BRDT: variants seen among roughly 807,000 people sequenced by gnomAD.
BRDT encodes bromodomain testis-specific protein.
In BRDT, 77 loss-of-function variants were observed where a neutral mutation model predicts 113.9. That is an observed-to-expected ratio of 0.68 (90% confidence interval 0.56 to 0.82). The LOEUF (loss-of-function observed/expected upper bound fraction) is 0.82. Among genes scored for constraint, BRDT ranks in the 40% least tolerant of loss-of-function variants. BRDT has a pLI of 0.00. For synonymous variants in BRDT, 358 were observed against 366.5 expected (o/e 0.98, Z 0.26); for missense variants, 1,027 against 1,105.4 (o/e 0.93, Z 1.01).
intron 15 of BRDT, among the ~76,000 whole-genome samples, chr1:91,997,828 A>G (rs1362547161): frequency 6.6e-6 from 1 of 152,220 alleles, no homozygotes; most frequent in Non-Finnish European, 1.5e-5. Context: ...GCCCAAGGGA[A>G]ATTGCAAATG....
At chr1:91,959,886 C>T (rs1484529817) in intron 1 of BRDT, among the ~76,000 whole-genome samples, 1 of 152,154 alleles carries the variant, frequency 6.6e-6, no homozygotes, top group Non-Finnish European at 1.5e-5. Context: ...TAGTAGTACT[C>T]AATCTTGGCC....
At chr1:92,007,566 T>A (rs770097629) in intron 18 of BRDT, among the ~76,000 whole-genome samples, 1 of 152,232 alleles carries the variant, frequency 6.6e-6, no homozygotes, top group South Asian at 2.1e-4. Context: ...AGACATGATC[T>A]CCTTCTTTAT....
intron 1 of BRDT, among the ~76,000 whole-genome samples, chr1:91,959,554 C>T (rs2101542665): frequency 6.6e-6 from 1 of 151,986 alleles, no homozygotes; most frequent in South Asian, 2.1e-4. Context: ...AATCTGAGCT[C>T]ATTGCAGCCT....
At chr1:91,962,654 C>A in intron 1 of BRDT, 64 bp from the exon 2 acceptor site, 1 of 1,022,288 alleles carries the variant, frequency 9.8e-7, no homozygotes, top group Non-Finnish European at 1.4e-6. Context: ...TTGAATAACA[C>A]TTTTCAGCTC....
chr1:91,957,844 T>G (rs566554856), intron 1 of BRDT, among the ~76,000 whole-genome samples: 2 of 149,182 alleles, frequency 1.3e-5, no homozygotes, highest in Admixed American at 1.3e-4. Flanking sequence ...TGTTGTTTTT[T>G]GTTTTTGTTT....
intron 13 of BRDT, among the ~76,000 whole-genome samples, chr1:91,991,837 A>C: frequency 1.1e-5 from 1 of 94,144 alleles, no homozygotes; most frequent in South Asian, 4.2e-4. Flanking sequence ...CTAAAAATAC[A>C]AAAAATTAGC....
chr1:91,979,268 C>T (rs76052915), intron 7 of BRDT, among the ~76,000 whole-genome samples: 10,127 of 151,734 alleles, frequency 0.067, 393 homozygotes, highest in African/African-American at 0.096. Context: ...CATGCGCCAC[C>T]ACACGGGACT....
Position 91,981,678 on chromosome 1 carries a change from G to A in BRDT, c.1925G>A (p.Ser642Asn). Residue 642 changes from serine to asparagine, a missense_variant, in exon 12 of 19, where the codon AGC becomes AAC. Physicochemically the swap from Ser to Asn is conservative, Grantham distance 46 (BLOSUM62 1). Coordinates refer to ENST00000399546, the MANE Select transcript of BRDT (RefSeq NM_207189.4). The part of the protein sequence containing the change: ...ENVSRLSESS[S>N]SSSSSSESES... ...GTTTCCCGACTGAGTGAGAGCAGCA[G>A]CAGCAGCAGCAGCTCATCAGAGTCT... 2 of 1,614,194 alleles carry A rather than the reference G, an allele frequency of 1.2e-6. No homozygotes were observed. The highest frequency in any genetic ancestry group is 8.5e-7 in the Non-Finnish European group (1 of 1,180,016).
At chr1:91,954,612 A>T (rs540688410) in intron 1 of BRDT, among the ~76,000 whole-genome samples, 18 of 152,274 alleles carry the variant, frequency 1.2e-4, no homozygotes, top group African/African-American at 3.9e-4. Flanking sequence ...CAGGTAAAAA[A>T]TGTTTTGAAA....
rs1570651064 is a variant in BRDT, at chr1:92,007,446, T to G, written c.2775+2147T>G. 5.9e-5 allele frequency among the ~76,000 whole-genome samples: 9 copies of G among 152,294 alleles called. 2 individuals carry two copies. The highest frequency in any genetic ancestry group is 5.9e-4 in the Admixed American group (9 of 15,296). On this transcript the variant is annotated intron_variant, in intron 18 of 18. Coordinates refer to ENST00000399546, the MANE Select transcript of BRDT (RefSeq NM_207189.4). Reference sequence around the variant, plus strand: ...CTGTTTCCTTCTTTGTGTTCCTAAGTTCATATCATTCAGCTCCCACTTATA... The same window carrying G: ...CTGTTTCCTTCTTTGTGTTCCTAAGGTCATATCATTCAGCTCCCACTTATA...
At chr1:91,976,676 G>A (rs765555758) in intron 5 of BRDT, among the ~76,000 whole-genome samples, 2 of 152,102 alleles carry the variant, frequency 1.3e-5, no homozygotes, top group Non-Finnish European at 2.9e-5. Context: ...TATCTTGATA[G>A]TATTAATATC....
At position 91,981,689 on chromosome 1, in the gene BRDT, A is replaced by G. The variant is rs769314003; in HGVS notation, c.1936A>G (p.Ser646Gly). 8.1e-6 allele frequency: 13 copies of G among 1,614,090 alleles called. No homozygotes were observed. The Admixed American group carries it at 2.2e-4, about 27-fold the overall frequency. ...RLSESSSSSS[S>G]SSESESSSSD... Reference sequence around the variant, plus strand: ...GAGTGAGAGCAGCAGCAGCAGCAGCAGCTCATCAGAGTCTGAAAGTAGCAG... The same window carrying G: ...GAGTGAGAGCAGCAGCAGCAGCAGCGGCTCATCAGAGTCTGAAAGTAGCAG... The change falls in exon 12 of 19, where the codon AGC becomes GGC. Residue 646 changes from serine (S) to glycine (G), a missense_variant. Coordinates refer to ENST00000399546, the MANE Select transcript of BRDT (RefSeq NM_207189.4).
chr1:91,954,023 G>C (rs1681441595), intron 1 of BRDT, among the ~76,000 whole-genome samples: 1 of 151,860 alleles, frequency 6.6e-6, no homozygotes, highest in South Asian at 2.1e-4. Flanking sequence ...CCAGGCTAGA[G>C]TACAGTGGCA....
In BRDT at chr1:91,959,090, T is replaced by C. The variant is rs1025528641; in HGVS notation, c.-37-3628T>C. ...AAACCATGAGACTGCAGAAAGTATA[T>C]TGTGTAATAAATACACATATATATA... On this transcript the variant is annotated intron_variant, in intron 1 of 18. Coordinates refer to ENST00000399546, the MANE Select transcript of BRDT (RefSeq NM_207189.4). 4.6e-5 allele frequency among the ~76,000 whole-genome samples: 7 copies of C among 152,126 alleles called. No homozygotes were observed. The South Asian group carries it at 1.0e-3, about 23-fold the overall frequency.
intron 17 of BRDT, among the ~76,000 whole-genome samples, 190 bp from the exon 18 acceptor site, chr1:92,004,929 A>T (rs111861116): frequency 2.0e-5 from 3 of 152,212 alleles, no homozygotes; most frequent in African/African-American, 7.2e-5. Context: ...ACAGTTTTCC[A>T]AAACCATTTA....
intron 1 of BRDT, among the ~76,000 whole-genome samples, chr1:91,951,254 G>A (rs1681045059): frequency 6.6e-6 from 1 of 152,198 alleles, no homozygotes; most frequent in East Asian, 1.9e-4. Context: ...GGTTTGTATA[G>A]CATGAAGGAC....
At chr1:91,981,816 A>C (rs527771779) in intron 12 of BRDT, 61 bp downstream of exon 12, 1 of 1,475,982 alleles carries the variant, frequency 6.8e-7, no homozygotes, top group Non-Finnish European at 9.0e-7. Flanking sequence ...TGTAATATTG[A>C]TTTATATTTT....
chr1:91,955,873 A>G (rs1681712065), intron 1 of BRDT, among the ~76,000 whole-genome samples: 1 of 152,220 alleles, frequency 6.6e-6, no homozygotes, highest in Admixed American at 6.5e-5. Flanking sequence ...ATGATATCAG[A>G]ATTATTTGTT....
At chr1:91,970,648 A>G (rs1158333628) in intron 4 of BRDT, among the ~76,000 whole-genome samples, 1 of 152,202 alleles carries the variant, frequency 6.6e-6, no homozygotes, top group East Asian at 1.9e-4. Context: ...ATTGTGGCTC[A>G]TGGCTGTAAT....
Sources: gnomAD v4.1 joint callset for allele counts (sites outside exome capture counted in the v4.1 genomes callset) on GRCh38, gnomAD v4.1.1 for gene constraint, MANE v1.5 for transcripts, NCBI Gene and HGNC (gene_info 2026-07-23, HGNC 2026-07-21) for gene names.